The following ULK4 variants were observed in gnomAD, a reference collection of about 807,000 sequenced individuals.
The protein encoded by ULK4 is unc-51 like kinase 4.
ULK4 carries 133 observed loss-of-function variants against 160.6 expected under a neutral mutation model. That is an observed-to-expected ratio of 0.83 (90% CI 0.72 to 0.96). The LOEUF (loss-of-function observed/expected upper bound fraction) is 0.96, where lower values mean the gene tolerates loss of function less well. Ranked by LOEUF, ULK4 falls within the 40% of genes least tolerant of loss-of-function variation. ULK4 has a pLI of 0.00. For synonymous variants in ULK4, 534 were observed against 539.8 expected, an observed-to-expected ratio of 0.99 and a Z score of 0.15; for missense variants, 1,580 against 1,499.5, an observed-to-expected ratio of 1.05 and a Z score of -0.89.
chr3:41,273,145 A>G (rs554630926), intron 35 of ULK4, among the ~76,000 whole-genome samples: 3 of 152,304 alleles, frequency 2.0e-5, no homozygotes, highest in South Asian at 2.1e-4. Flanking sequence ...GGTACTTGAT[A>G]TTTTTGTATT....
At chr3:41,921,933 C>T (rs1170308367) in intron 5 of ULK4, among the ~76,000 whole-genome samples, 2 of 152,032 alleles carry the variant, frequency 1.3e-5, no homozygotes, top group Non-Finnish European at 2.9e-5. Flanking sequence ...GCAGGCGGAT[C>T]ACCTGAGGTC....
chr3:41,721,311 C>A (rs1444137849), intron 22 of ULK4, among the ~76,000 whole-genome samples: 1 of 77,092 alleles, frequency 1.3e-5, no homozygotes. Flanking sequence ...GTATGTGTTA[C>A]CTACTCAAAG....
intron 16 of ULK4, among the ~76,000 whole-genome samples, chr3:41,886,343 C>T (rs1697719791): frequency 6.6e-6 from 1 of 152,106 alleles, no homozygotes; most frequent in African/African-American, 2.4e-5. Context: ...GGCTGTATCC[C>T]GATCGCCACT....
At chr3:41,358,512 A>G (rs72865000) in intron 35 of ULK4, among the ~76,000 whole-genome samples, 3,096 of 152,294 alleles carry the variant, frequency 0.02, 107 homozygotes, top group African/African-American at 0.069. Flanking sequence ...CCTCTCTGAC[A>G]GGGTGACATG....
chr3:41,258,896 T>C (rs915412683), intron 35 of ULK4, among the ~76,000 whole-genome samples: 2 of 151,490 alleles, frequency 1.3e-5, no homozygotes, highest in Non-Finnish European at 2.9e-5. Context: ...TAATTGGGAA[T>C]TTGAGCTTAG....
At chr3:41,911,762 C>T (rs1698794743) in intron 9 of ULK4, 103 bp from the exon 10 acceptor site, 1 of 852,166 alleles carries the variant, frequency 1.2e-6, no homozygotes, top group Admixed American at 2.2e-5. Context: ...TTACACATGA[C>T]ATTTAGCAAA....
intron 32 of ULK4, among the ~76,000 whole-genome samples, chr3:41,482,984 C>G (rs2084382208): frequency 6.6e-6 from 1 of 152,128 alleles, no homozygotes; most frequent in Non-Finnish European, 1.5e-5. Flanking sequence ...GTATAGCCAT[C>G]ACCTCAAGCA....
chr3:41,265,661 C>T (rs2079018194), intron 35 of ULK4, among the ~76,000 whole-genome samples: 1 of 152,156 alleles, frequency 6.6e-6, no homozygotes, highest in South Asian at 2.1e-4. Context: ...ATACCGACTC[C>T]ATTTGGAAAC....
At chr3:41,597,200 A>T (rs575609293) in intron 31 of ULK4, among the ~76,000 whole-genome samples, 2 of 152,238 alleles carry the variant, frequency 1.3e-5, no homozygotes, top group Admixed American at 6.5e-5. Flanking sequence ...ATCTCAAAGT[A>T]AGTCCTTGTG....
At chr3:41,325,256 G>C (rs1366938491) in intron 35 of ULK4, among the ~76,000 whole-genome samples, 1 of 152,134 alleles carries the variant, frequency 6.6e-6, no homozygotes, top group African/African-American at 2.4e-5. Flanking sequence ...CAATATCAGA[G>C]GTTGTTCACT....
intron 20 of ULK4, among the ~76,000 whole-genome samples, chr3:41,798,171 G>GA (rs139580420): frequency 3.3e-5 from 5 of 151,626 alleles, no homozygotes; most frequent in Admixed American, 6.6e-5. Flanking sequence ...GGGAACTATT[G>GA]AAAAAAAACT....
At chr3:41,920,771 T>C (rs2148813491) in intron 5 of ULK4, among the ~76,000 whole-genome samples, 1 of 152,238 alleles carries the variant, frequency 6.6e-6, no homozygotes, top group African/African-American at 2.4e-5. Flanking sequence ...TCAGCAGCTT[T>C]GTGTGCCCTG....
chr3:41,507,819 G>A (rs941507937), intron 32 of ULK4, among the ~76,000 whole-genome samples: 1 of 152,138 alleles, frequency 6.6e-6, no homozygotes, highest in Non-Finnish European at 1.5e-5. Context: ...TTCAAATAAG[G>A]TGGCAGGACC....
At chr3:41,691,873 T>C (rs2036311120) in intron 27 of ULK4, among the ~76,000 whole-genome samples, 1 of 149,312 alleles carries the variant, frequency 6.7e-6, no homozygotes, top group Non-Finnish European at 1.5e-5. Context: ...ACAGCAACAA[T>C]GCAGCAAGAC....
chr3:41,849,189 T>C (rs2042144549), intron 17 of ULK4, among the ~76,000 whole-genome samples: 1 of 152,246 alleles, frequency 6.6e-6, no homozygotes, highest in South Asian at 2.1e-4. Flanking sequence ...GACTGACAGA[T>C]AACCCTAATC....
chr3:41,291,996 A>AT (rs1389453628), intron 35 of ULK4, among the ~76,000 whole-genome samples: 13 of 149,128 alleles, frequency 8.7e-5, no homozygotes, highest in South Asian at 4.3e-4. Flanking sequence ...ATGCCCGGCT[A>AT]TTTTTTTTTG....
At chr3:41,956,596 C>A (rs1429812700) in intron 1 of ULK4, among the ~76,000 whole-genome samples, 3 of 151,908 alleles carry the variant, frequency 2.0e-5, no homozygotes, top group Non-Finnish European at 4.4e-5. Flanking sequence ...AACATATGCC[C>A]CACCTAGACC....
At chr3:41,855,804 A>G (rs569814551) in intron 17 of ULK4, among the ~76,000 whole-genome samples, 7 of 152,164 alleles carry the variant, frequency 4.6e-5, no homozygotes, top group Non-Finnish European at 8.8e-5. Flanking sequence ...TTCATCTAGT[A>G]GAAAATTAAA....
At chr3:41,694,454 G>A (rs1215223688) in intron 27 of ULK4, among the ~76,000 whole-genome samples, 2 of 152,274 alleles carry the variant, frequency 1.3e-5, no homozygotes, top group East Asian at 3.9e-4. Context: ...TCTCACAGAA[G>A]TTAGTTTTGA....
Sources: allele counts gnomAD v4.1 joint callset (sites outside exome capture counted in the v4.1 genomes callset), GRCh38; gene constraint gnomAD v4.1.1; transcripts MANE v1.5; gene names NCBI Gene and HGNC (gene_info 2026-07-23, HGNC 2026-07-21).